NEXMIF: variants seen among roughly 807,000 people sequenced by gnomAD.
The protein encoded by NEXMIF is neurite extension and migration factor.
A neutral mutation model predicts 62.1 loss-of-function variants in NEXMIF; 8 were observed. That is an observed-to-expected ratio of 0.13 (90% confidence interval 0.08 to 0.23). The LOEUF is 0.23. Ranked by LOEUF, NEXMIF falls within the 10% of genes least tolerant of loss-of-function variation. The pLI is 1.00. For synonymous variants in NEXMIF, 404 were observed against 416.6 expected, an observed-to-expected ratio of 0.97 and a Z score of 0.37; for missense variants, 976 against 1,113.3, an observed-to-expected ratio of 0.88 and a Z score of 1.75.
intron 2 of NEXMIF, among the ~76,000 whole-genome samples, chrX:74,744,941 CTCTCTCTCT>C (rs775283236): frequency 3.1e-4 from 32 of 103,618 alleles, no homozygotes; most frequent in Admixed American, 1.4e-3. Context: ...CTCTCTCTCT[CTCTCTCTCT>C]TCTCTCTCCT....
intron 1 of NEXMIF, among the ~76,000 whole-genome samples, chrX:74,903,637 C>T (rs1191924744): frequency 9.0e-6 from 1 of 111,597 alleles, no homozygotes; most frequent in Admixed American, 9.5e-5. Flanking sequence ...GCTTTCAAGA[C>T]CCAAGACCAA....
chrX:74,907,598 C>T (rs2080773665), intron 1 of NEXMIF, among the ~76,000 whole-genome samples: 1 of 110,481 alleles, frequency 9.1e-6, no homozygotes, highest in Admixed American at 9.6e-5. Flanking sequence ...ATTCTGAGGC[C>T]CAGAGAGAGA....
chrX:74,882,334 G>A (rs750563979), intron 1 of NEXMIF, among the ~76,000 whole-genome samples: 9 of 112,043 alleles, frequency 8.0e-5, no homozygotes, highest in South Asian at 3.7e-4. Context: ...TGCGTGAGTC[G>A]AAGGAGGTCA....
At chrX:74,903,880 C>CGTGTGTGTGT (rs3222701) in intron 1 of NEXMIF, among the ~76,000 whole-genome samples, 5 of 94,212 alleles carry the variant, frequency 5.3e-5, no homozygotes, top group African/African-American at 1.5e-4. Flanking sequence ...CAATTCTAAT[C>CGTGTGTGTGT]GTGTGTGTGT....
chrX:74,826,902 C>A (rs924755603), intron 1 of NEXMIF, among the ~76,000 whole-genome samples: 7 of 111,251 alleles, frequency 6.3e-5, no homozygotes, highest in Non-Finnish European at 1.1e-4. Context: ...GGATTAATTC[C>A]TCTTGAAATA....
intron 1 of NEXMIF, among the ~76,000 whole-genome samples, chrX:74,796,229 AATAT>A (rs751692812): frequency 3.1e-4 from 19 of 60,624 alleles, no homozygotes; most frequent in African/African-American, 1.2e-3. Context: ...ATACATATAT[AATAT>A]ATATATATAT....
At chrX:74,787,104 CAAA>C (rs766388500) in intron 1 of NEXMIF, among the ~76,000 whole-genome samples, 1 of 31,761 alleles carries the variant, frequency 3.1e-5, no homozygotes, top group Admixed American at 3.8e-4. Flanking sequence ...ACCAAAAATA[CAAA>C]AAAAAAAAAA....
chrX:74,794,358 G>A (rs1295666244), intron 1 of NEXMIF, among the ~76,000 whole-genome samples: 259 of 105,790 alleles, frequency 2.4e-3, no homozygotes, highest in Non-Finnish European at 4.2e-3. Context: ...TGCGTGCTGG[G>A]AGAACCACTG....
chrX:74,755,434 T>C (rs2080156491), intron 1 of NEXMIF, among the ~76,000 whole-genome samples: 1 of 111,621 alleles, frequency 9.0e-6, no homozygotes, highest in East Asian at 2.8e-4. Context: ...ATTTCTGTAT[T>C]TTGATTTTAC....
chrX:74,874,507 T>C (rs1456405293), intron 1 of NEXMIF, among the ~76,000 whole-genome samples: 1 of 109,196 alleles, frequency 9.2e-6, no homozygotes, highest in Non-Finnish European at 1.9e-5. Context: ...AACTTTAAAG[T>C]AGCTTTTTCC....
chrX:74,875,869 T>G (rs759753494), intron 1 of NEXMIF, among the ~76,000 whole-genome samples: 2 of 111,945 alleles, frequency 1.8e-5, no homozygotes, highest in South Asian at 7.4e-4. Context: ...ATTGTGTCTA[T>G]TTGATTCTTC....
chrX:74,794,056 A>T (rs1418420859), intron 1 of NEXMIF, among the ~76,000 whole-genome samples: 1 of 91,124 alleles, frequency 1.1e-5, no homozygotes, highest in Non-Finnish European at 2.2e-5. Context: ...GGCGCTCTGC[A>T]TTTTAGAGTT....
At chrX:74,901,610 T>C (rs2080749832) in intron 1 of NEXMIF, among the ~76,000 whole-genome samples, 1 of 111,889 alleles carries the variant, frequency 8.9e-6, no homozygotes, top group African/African-American at 3.3e-5. Flanking sequence ...GTTTTATGCC[T>C]TGCCATAGAA....
chrX:74,791,327 C>G (rs1447339762), intron 1 of NEXMIF, among the ~76,000 whole-genome samples: 4 of 111,452 alleles, frequency 3.6e-5, no homozygotes, highest in Non-Finnish European at 7.5e-5. Context: ...GGGATGAAGC[C>G]CACTTGATCA....
chrX:74,810,128 T>G (rs1361789548), intron 1 of NEXMIF, among the ~76,000 whole-genome samples: 2 of 112,406 alleles, frequency 1.8e-5, no homozygotes, highest in Non-Finnish European at 3.8e-5. Context: ...GGAATCATCC[T>G]TGTACTACTT....
At chrX:74,820,992 C>G (rs1321423973) in intron 1 of NEXMIF, among the ~76,000 whole-genome samples, 1 of 111,044 alleles carries the variant, frequency 9.0e-6, no homozygotes, top group Non-Finnish European at 1.9e-5. Flanking sequence ...ATGTAACCAA[C>G]CTGTACATGT....
chrX:74,834,243 T>C (rs779494620), intron 1 of NEXMIF, among the ~76,000 whole-genome samples: 2 of 111,863 alleles, frequency 1.8e-5, no homozygotes, highest in African/African-American at 3.2e-5. Flanking sequence ...TTGTGTCTTG[T>C]TGTATTGTCT....
intron 1 of NEXMIF, among the ~76,000 whole-genome samples, chrX:74,803,123 G>A (rs1251071856): frequency 2.7e-5 from 3 of 111,807 alleles, no homozygotes; most frequent in Non-Finnish European, 5.6e-5. Context: ...AGGAGGAAGA[G>A]ACAGAGATAA....
At chrX:74,773,913 A>C (rs2080220283) in intron 1 of NEXMIF, among the ~76,000 whole-genome samples, 1 of 83,482 alleles carries the variant, frequency 1.2e-5, no homozygotes, top group African/African-American at 4.6e-5. Flanking sequence ...CGTCTCAAAA[A>C]AAAAAAAAAA....
Sources: allele counts gnomAD v4.1 joint callset (sites outside exome capture counted in the v4.1 genomes callset), GRCh38; gene constraint gnomAD v4.1.1; transcripts MANE v1.5; gene names NCBI Gene and HGNC (gene_info 2026-07-23, HGNC 2026-07-21).